The following FAM13C variants were observed in gnomAD, a reference collection of about 807,000 sequenced individuals.
The protein encoded by FAM13C is family with sequence similarity 13 member C.
Under a neutral mutation model 73.2 loss-of-function variants are expected in FAM13C, and 37 were observed. The ratio of observed to expected loss-of-function variants is 0.51; its 90% CI spans 0.39 to 0.67. The LOEUF is 0.67. FAM13C is among the 30% of genes least tolerant of loss of function. FAM13C has a pLI of 0.00. For synonymous variants in FAM13C, 246 were observed against 260.9 expected, an observed-to-expected ratio of 0.94 and a Z score of 0.55; for missense variants, 589 against 715.6, an observed-to-expected ratio of 0.82 and a Z score of 2.02.
intron 2 of FAM13C, among the ~76,000 whole-genome samples, chr10:59,354,293 CA>C (rs1855430122): frequency 6.6e-6 from 1 of 152,162 alleles, no homozygotes; most frequent in Non-Finnish European, 1.5e-5. Context: ...GGGCCAAAAG[CA>C]TCTTTCTTGC....
chr10:59,252,291 T>G (rs1162053089), intron 12 of FAM13C, among the ~76,000 whole-genome samples: 1 of 152,152 alleles, frequency 6.6e-6, no homozygotes, highest in Non-Finnish European at 1.5e-5. Flanking sequence ...AAATTATACA[T>G]GGGCATTTTC....
chr10:59,362,628 C>A (rs893262629), upstream of FAM13C: 3 of 1,421,326 alleles, frequency 2.1e-6, no homozygotes, highest in Non-Finnish European at 2.8e-6. Flanking sequence ...AGGGGCCCAG[C>A]GGCACGGGCG....
At chr10:59,291,054 A>G (rs969619232) in intron 5 of FAM13C, among the ~76,000 whole-genome samples, 2 of 152,166 alleles carry the variant, frequency 1.3e-5, no homozygotes, top group African/African-American at 2.4e-5. Flanking sequence ...CAAGGGCCCT[A>G]TTCCCTGGGG....
intron 6 of FAM13C, among the ~76,000 whole-genome samples, chr10:59,277,650 T>C (rs1372388311): frequency 6.6e-6 from 1 of 152,128 alleles, no homozygotes; most frequent in Non-Finnish European, 1.5e-5. Context: ...CAACCACAAA[T>C]CTAGATCTCT....
intron 3 of FAM13C, among the ~76,000 whole-genome samples, chr10:59,345,927 T>A (rs998321794): frequency 1.3e-5 from 2 of 152,218 alleles, no homozygotes; most frequent in Non-Finnish European, 2.9e-5. Context: ...CTAAGACCAA[T>A]TTTTAGGATC....
chr10:59,311,711 C>A (rs1328026578), intron 4 of FAM13C, among the ~76,000 whole-genome samples: 1 of 152,208 alleles, frequency 6.6e-6, no homozygotes, highest in East Asian at 1.9e-4. Flanking sequence ...CCCCTGGGAG[C>A]AGCCCGCAGC....
In FAM13C at chr10:59,349,602, C is replaced by CAAAA. The variant is rs80331289; in HGVS notation, c.324+2664_324+2667dup. Reference sequence around the variant, plus strand: ...TGAAACCCCATCTCTACTAAAAATACAAAAAAAAAAATTAGCAGGGCGTGG... The same window carrying CAAAA: ...TGAAACCCCATCTCTACTAAAAATACAAAAAAAAAAAAAAATTAGCAGGGCGTGG... On this transcript the variant is annotated intron_variant, in intron 3 of 13. Transcript: ENST00000618804. Among the ~76,000 whole-genome samples the CAAAA allele has an allele frequency of 5.7e-3, 839 of 146,594 alleles. 3 individuals carry two copies. Among genetic ancestry groups the CAAAA allele is most frequent in the African/African-American group, 0.019 (752 of 40,106 alleles).
rs747199551 is a variant in FAM13C at position 59,283,382 on chromosome 10, G to A, written c.573C>T (p.Ala191=). ...TCTTACCTGCAGAATCTGTCCCATCGGCAAGCACGCTCTGGGTTGATGCTG... is the reference window on the plus strand; with the variant it reads ...TCTTACCTGCAGAATCTGTCCCATCAGCAAGCACGCTCTGGGTTGATGCTG... ...PAPASTQSVL[A]DGTDSADPSP... The change falls in exon 6 of 14, where the codon GCC becomes GCT. Residue 191 remains alanine (A), a synonymous_variant. Transcript: ENST00000618804. The A allele has an allele frequency of 7.4e-6, 12 of 1,614,038 alleles. No individual in the cohort carries two copies. Among genetic ancestry groups the A allele is most frequent in the African/African-American group, 4.0e-5 (3 of 74,920 alleles).
intron 3 of FAM13C, among the ~76,000 whole-genome samples, chr10:59,336,203 T>C (rs1316008890): frequency 6.7e-6 from 1 of 150,250 alleles, no homozygotes; most frequent in Non-Finnish European, 1.5e-5. Context: ...GCCACCCTAA[T>C]GCAGACTCTT....
chr10:59,289,922 T>C (rs1045156840), intron 5 of FAM13C, among the ~76,000 whole-genome samples: 1 of 152,086 alleles, frequency 6.6e-6, no homozygotes, highest in Admixed American at 6.5e-5. Flanking sequence ...CTTTTCCTGG[T>C]TTATATCCAA....
intron 10 of FAM13C, among the ~76,000 whole-genome samples, chr10:59,257,059 T>C (rs1248273764): frequency 6.6e-6 from 1 of 152,130 alleles, no homozygotes; most frequent in East Asian, 1.9e-4. Flanking sequence ...AAGAGAGCTA[T>C]GAATGGATTG....
chr10:59,360,929 C>T, intron 1 of FAM13C: 1 of 838,730 alleles, frequency 1.2e-6, no homozygotes, highest in Non-Finnish European at 1.7e-6. Context: ...CCTGCCGTGC[C>T]TGTGACTGAC....
intron 2 of FAM13C, among the ~76,000 whole-genome samples, chr10:59,352,772 T>G (rs766642749): frequency 5.3e-5 from 8 of 152,206 alleles, no homozygotes; most frequent in Non-Finnish European, 1.2e-4. Flanking sequence ...CTTTCACATA[T>G]ATCATATTTC....
chr10:59,261,353 T>C (rs1210263593), intron 10 of FAM13C, among the ~76,000 whole-genome samples: 2 of 152,194 alleles, frequency 1.3e-5, no homozygotes, highest in African/African-American at 2.4e-5. Context: ...CAAGTCCTTA[T>C]GTAAATGACT....
In FAM13C at chr10:59,270,666, T is replaced by C. The variant is rs529138336; in HGVS notation, c.593-557A>G. Among the ~76,000 whole-genome samples the C allele has an allele frequency of 3.4e-4, 52 of 152,312 alleles. No homozygotes were observed. In the South Asian group the frequency reaches 9.9e-3, roughly 29 times the overall value. On this transcript the variant is annotated intron_variant, in intron 6 of 13. Transcript: ENST00000618804. Reference sequence around the variant, plus strand: ...TCTACAAGGAATGATGTTCAGAATATGCTAAATGGAAACCACAAATTTCAA... The same window carrying C: ...TCTACAAGGAATGATGTTCAGAATACGCTAAATGGAAACCACAAATTTCAA...
chr10:59,267,701 A>G (rs995717873), intron 8 of FAM13C, among the ~76,000 whole-genome samples: 1 of 152,188 alleles, frequency 6.6e-6, no homozygotes, highest in East Asian at 1.9e-4. Flanking sequence ...TCTCATACTC[A>G]CAAGAACTTT....
intron 6 of FAM13C, chr10:59,282,148 C>T (rs1844991039): frequency 6.6e-6 from 1 of 152,172 alleles, no homozygotes; most frequent in Admixed American, 6.5e-5. Context: ...AACAATGTAC[C>T]ACTCACCAGC....
chr10:59,300,763 T>C (rs1431511715), intron 5 of FAM13C: 1 of 152,188 alleles, frequency 6.6e-6, no homozygotes, highest in Non-Finnish European at 1.5e-5. Context: ...ATGTAATCCA[T>C]GAATAAAACA....
chr10:59,351,333 A>AAC, intron 3 of FAM13C, among the ~76,000 whole-genome samples: 1 of 151,096 alleles, frequency 6.6e-6, no homozygotes, highest in Admixed American at 6.6e-5. Flanking sequence ...CCCTGTCTCA[A>AAC]AAAAAAAAAA....
Sources: gnomAD v4.1 joint callset for allele counts (sites outside exome capture counted in the v4.1 genomes callset) on GRCh38, gnomAD v4.1.1 for gene constraint, MANE v1.5 for transcripts, NCBI Gene and HGNC (gene_info 2026-07-23, HGNC 2026-07-21) for gene names.